Variants in THNSL2 observed in about 807,000 individuals in gnomAD.
THNSL2 encodes the protein threonine synthase like 2.
Under a neutral mutation model 40.0 loss-of-function variants are expected in THNSL2, and 34 were observed. That is an observed-to-expected ratio of 0.85 (90% CI 0.65 to 1.13). The LOEUF is 1.13. Among genes scored for constraint, THNSL2 ranks in the 50% most tolerant of loss-of-function variants. The pLI is 0.00. For synonymous variants in THNSL2, 241 were observed against 247.5 expected, an observed-to-expected ratio of 0.97 and a Z score of 0.25; for missense variants, 537 against 608.8, an observed-to-expected ratio of 0.88 and a Z score of 1.24.
At chr2:88,179,394 G>T (rs968078888) in intron 5 of THNSL2, among the ~76,000 whole-genome samples, 1 of 152,216 alleles carries the variant, frequency 6.6e-6, no homozygotes, top group Non-Finnish European at 1.5e-5. Flanking sequence ...GAGGGCAAGC[G>T]GCTTGACTGG....
intron 7 of THNSL2, among the ~76,000 whole-genome samples, chr2:88,184,456 G>C (rs1277770776): frequency 6.6e-6 from 1 of 152,170 alleles, no homozygotes; most frequent in Non-Finnish European, 1.5e-5. Flanking sequence ...ATTCACAGCA[G>C]GTAGCTATAT....
rs1553460735 is a variant in THNSL2, at chr2:88,170,414, T to TCGCGCACCGGGCCC, written c.-50_-49insACCGGGCCCCGCGC. 24 of 149,162 alleles carry TCGCGCACCGGGCCC rather than the reference T, an allele frequency of 1.6e-4. No individual in the cohort carries two copies. The highest frequency in any genetic ancestry group is 3.8e-4 in the South Asian group (2 of 5,332). The allele number at this position is 149,162 out of a possible 1,614,324, so 9.2% of individuals were successfully genotyped here. A position where few individuals can be genotyped will look rare whatever the true frequency, so the allele number is the denominator to read the frequency against. On this transcript the variant is annotated 5_prime_UTR_variant, in exon 1 of 9. Coordinates refer to ENST00000674334, the MANE Select transcript of THNSL2 (RefSeq NM_018271.5). ...GGGCAGCCCTGCTGCGCACCGGGCC[T>TCGCGCACCGGGCCC]CGCGCCCCGCGCCCCGCGCCCCGCG...
In THNSL2 at chr2:88,175,292, A is replaced by G. The variant is rs749648242; in HGVS notation, c.462A>G (p.Gln154=). The G allele has an allele frequency of 3.7e-6, 6 of 1,614,198 alleles. No homozygotes were observed. Among genetic ancestry groups the G allele is most frequent in the Non-Finnish European group, 5.1e-6 (6 of 1,180,046 alleles). ...DTGSAAIESV[Q]GAKNMDIIVL... Reference sequence around the variant, plus strand: ...GAAGTGCTGCCATTGAGAGTGTTCAAGGGGCAAAGAACATGGACATTATCG... The same window carrying G: ...GAAGTGCTGCCATTGAGAGTGTTCAGGGGGCAAAGAACATGGACATTATCG... The change falls in exon 4 of 9, where the codon CAA becomes CAG. Residue 154 remains glutamine, a synonymous_variant. Transcript: ENST00000674334.
rs1676228877 is a variant in THNSL2, at chr2:88,170,414, T to TTGCGCCC, written c.-55_-54insTGCGCCC. On this transcript the variant is annotated 5_prime_UTR_variant, in exon 1 of 9. Transcript: ENST00000674334. Reference sequence around the variant, plus strand: ...GGGCAGCCCTGCTGCGCACCGGGCCTCGCGCCCCGCGCCCCGCGCCCCGCG... The same window carrying TTGCGCCC: ...GGGCAGCCCTGCTGCGCACCGGGCCTTGCGCCCCGCGCCCCGCGCCCCGCGCCCCGCG... 1 of 149,054 alleles carries TTGCGCCC rather than the reference T, an allele frequency of 6.7e-6. No homozygotes were observed. The highest frequency in any genetic ancestry group is 1.5e-5 in the Non-Finnish European group (1 of 66,960). 9.2% of individuals were successfully genotyped at this position (149,054 alleles called of 1,614,324 possible).
chr2:88,173,029 C>T (rs1017449376), intron 1 of THNSL2, 110 bp from the exon 2 acceptor site: 52 of 626,392 alleles, frequency 8.3e-5, no homozygotes, highest in Admixed American at 3.2e-4. Flanking sequence ...ACATGTGCCC[C>T]GGAGACTGGT....
chr2:88,178,648 A>C, intron 4 of THNSL2, 135 bp from the exon 5 acceptor site: 1 of 798,948 alleles, frequency 1.3e-6, no homozygotes, highest in Non-Finnish European at 2.0e-6. Context: ...GCTACGTGAA[A>C]GTAAAGAAAC....
intron 5 of THNSL2, among the ~76,000 whole-genome samples, chr2:88,179,670 T>C (rs1254686248): frequency 3.0e-4 from 46 of 152,180 alleles, no homozygotes; most frequent in Admixed American, 3.0e-3. Context: ...TTAAAATCAT[T>C]TTCTCTAATA....
intron 5 of THNSL2, among the ~76,000 whole-genome samples, chr2:88,180,709 G>A (rs1311021884): frequency 3.3e-5 from 5 of 152,164 alleles, no homozygotes; most frequent in East Asian, 1.9e-4. Context: ...ACAATGTCAC[G>A]TGTCCGGGCT....
Position 88,186,382 on chromosome 2 carries a change from G to A in THNSL2, c.*259G>A, listed in dbSNP as rs1025896388. ...CGTGCAGCAGTGTCTGAGCTGTAGT[G>A]AAAGTTTCAGGGCCTGCAAAAGAAG... On this transcript the variant is annotated 3_prime_UTR_variant, in exon 9 of 9. Transcript: ENST00000674334. The A allele has an allele frequency of 3.9e-6, 2 of 507,232 alleles. No individual in the cohort carries two copies. The highest frequency in any genetic ancestry group is 3.6e-5 in the East Asian group (1 of 28,024). The allele number at this position is 507,232 out of a possible 1,614,324, so 31.4% of individuals were successfully genotyped here.
chr2:88,175,478 C>T, intron 4 of THNSL2, 77 bp downstream of exon 4: 2 of 1,557,352 alleles, frequency 1.3e-6, no homozygotes, highest in Non-Finnish European at 1.7e-6. Context: ...TGGACTGGAA[C>T]AAAATTGCAC....
Position 88,177,547 on chromosome 2 carries a change from T to C in THNSL2, c.572-1236T>C, listed in dbSNP as rs1481978154. On this transcript the variant is annotated intron_variant, in intron 4 of 8. Transcript: ENST00000674334. ...CAGACCAGCTTCAACAAGAATATTTTCCAGCTTCCGTAACTGGAAGGCCAG... is the reference window on the plus strand; with the variant it reads ...CAGACCAGCTTCAACAAGAATATTTCCCAGCTTCCGTAACTGGAAGGCCAG... 2.0e-5 allele frequency among the ~76,000 whole-genome samples: 3 copies of C among 152,342 alleles called. No individual in the cohort carries two copies. The East Asian group carries it at 5.8e-4, about 29-fold the overall frequency.
chr2:88,185,245 G>A (rs1386315805), intron 7 of THNSL2, 83 bp from the exon 8 acceptor site: 3 of 1,535,080 alleles, frequency 2.0e-6, no homozygotes, highest in Non-Finnish European at 2.6e-6. Context: ...GGTTTGTGTG[G>A]ATCTGTGGTG....
intron 7 of THNSL2, 95 bp downstream of exon 7, chr2:88,183,168 G>T: frequency 6.6e-7 from 1 of 1,510,640 alleles, no homozygotes; most frequent in Non-Finnish European, 8.9e-7. Flanking sequence ...GAGGACACCT[G>T]TTTCTTGAGT....
intron 7 of THNSL2, chr2:88,183,916 A>G (rs1573210251): frequency 6.6e-6 from 1 of 152,180 alleles, no homozygotes; most frequent in African/African-American, 2.4e-5. Context: ...CACCATTACA[A>G]AAGTCTTTAC....
Position 88,173,357 on chromosome 2 carries a change from A to G in THNSL2, c.207A>G (p.Pro69=), listed in dbSNP as rs1314399411. 1.9e-6 allele frequency: 3 copies of G among 1,605,280 alleles called. No homozygotes were observed. The African/African-American group carries it at 4.0e-5, about 21-fold the overall frequency. The change falls in exon 2 of 9, where the codon CCA becomes CCG. Residue 69 remains proline (P), a synonymous_variant. Coordinates refer to ENST00000674334, the MANE Select transcript of THNSL2 (RefSeq NM_018271.5). ...CALFIGSELL[P]KDELNDLIDR... ...TCTTCATTGGCTCTGAGCTCCTTCC[A>G]AAAGATGAATTAAATGGTGAGTGCT... is the stretch of plus-strand genomic sequence containing the variant.
chr2:88,178,816 T>A lies in THNSL2; in HGVS notation c.605T>A (p.Ile202Asn), dbSNP rs1677217964. 4 of 1,613,982 alleles carry A rather than the reference T, an allele frequency of 2.5e-6. No homozygotes were observed. In the African/African-American group the frequency reaches 5.3e-5, roughly 22 times the overall value. Residue 202 changes from isoleucine to asparagine, a missense_variant, in exon 5 of 9, where the codon ATC becomes AAC. Coordinates refer to ENST00000674334, the MANE Select transcript of THNSL2 (RefSeq NM_018271.5). ...EGNSDELDEPIKTVFADVAFV... is the reference protein window; with the variant it reads ...EGNSDELDEPNKTVFADVAFV... ...AACAGCGATGAGCTCGATGAGCCGA[T>A]CAAGACTGTGTTTGCCGATGTGGCT...
chr2:88,179,794 G>A (rs538005352), intron 5 of THNSL2, among the ~76,000 whole-genome samples: 5 of 152,310 alleles, frequency 3.3e-5, no homozygotes, highest in Admixed American at 2.0e-4. Context: ...TATAATGAGG[G>A]AACAAAGGCA....
At chr2:88,176,586 G>C (rs1249645408) in intron 4 of THNSL2, 2 of 152,212 alleles carry the variant, frequency 1.3e-5, no homozygotes, top group Non-Finnish European at 2.9e-5. Flanking sequence ...CTGGCTTCCT[G>C]TGATAATCCT....
Position 88,185,921 on chromosome 2 carries a change from C to T in THNSL2, c.1253C>T (p.Pro418Leu), listed in dbSNP as rs772620123. ...AGCACTCCCCGGTGCTGCCTCGCCC[C>T]TGCCTCTGCAGCCAAGTTCCCGGAA... is the stretch of plus-strand genomic sequence containing the variant. ...QPSTPRCCLA[P>L]ASAAKFPEAV... The change falls in exon 9 of 9, where the codon CCT (proline) becomes CTT (leucine). Residue 418 changes from proline (P) to leucine (L), a missense_variant. By Grantham distance (98) the Pro-to-Leu change is moderately conservative. Transcript: ENST00000674334. The T allele has an allele frequency of 7.5e-6, 12 of 1,609,720 alleles. No homozygotes were observed. The South Asian group carries it at 1.2e-4, about 16-fold the overall frequency.
Sources: gnomAD v4.1 joint callset for allele counts (sites outside exome capture counted in the v4.1 genomes callset) on GRCh38, gnomAD v4.1.1 for gene constraint, MANE v1.5 for transcripts, NCBI Gene and HGNC (gene_info 2026-07-23, HGNC 2026-07-21) for gene names.